Variants in DOP1A observed in about 807,000 individuals in gnomAD.
The protein encoded by DOP1A is protein DOP1A.
In DOP1A, 90 loss-of-function variants were observed where a neutral mutation model predicts 267.6. That is an observed-to-expected ratio of 0.34 (90% confidence interval 0.28 to 0.40). The LOEUF is 0.40. Among genes scored for constraint, DOP1A ranks in the 10% least tolerant of loss-of-function variants. DOP1A has a pLI of 1.00. For missense variants in DOP1A, 2,437 were observed against 2,900.4 expected (o/e 0.84, Z 3.67); for synonymous variants, 932 against 999.1 (o/e 0.93, Z 1.27).
chr6:83,112,891 G>T (rs150205918), intron 6 of DOP1A, among the ~76,000 whole-genome samples: 11 of 152,344 alleles, frequency 7.2e-5, no homozygotes, highest in South Asian at 2.1e-4. Context: ...GTTTAGAAAT[G>T]TATAAGTGCA....
chr6:83,082,278 A>G (rs1020397328), intron 1 of DOP1A, among the ~76,000 whole-genome samples: 1 of 152,242 alleles, frequency 6.6e-6, no homozygotes, highest in African/African-American at 2.4e-5. Context: ...CTATCAGCAG[A>G]TGAAGGGGCA....
downstream of DOP1A, chr6:83,169,237 G>T (rs1315458324): frequency 1.2e-5 from 19 of 1,613,898 alleles, no homozygotes; most frequent in Non-Finnish European, 1.6e-5. Context: ...ATTATCTTCA[G>T]AAACCTGGTT....
intron 38 of DOP1A, chr6:83,167,155 T>A (rs1050756450): frequency 2.2e-6 from 2 of 919,664 alleles, no homozygotes; most frequent in African/African-American, 3.6e-5. Context: ...AAAGGTAGTT[T>A]TAGACTGTCC....
At chr6:83,166,168 T>A (rs933130352) in intron 38 of DOP1A, 7 of 509,070 alleles carry the variant, frequency 1.4e-5, no homozygotes, top group Non-Finnish European at 2.4e-5. Flanking sequence ...ACTCAGCTCA[T>A]GAGGCACCCA....
At chr6:83,147,185 A>G in intron 25 of DOP1A, 51 bp from the exon 26 acceptor site, 1 of 966,560 alleles carries the variant, frequency 1.0e-6, no homozygotes, top group Admixed American at 2.3e-5. Flanking sequence ...ACAATGAAAA[A>G]GCAAAGGCAG....
downstream of DOP1A, chr6:83,168,815 T>C: frequency 9.9e-7 from 1 of 1,010,578 alleles, no homozygotes; most frequent in Non-Finnish European, 1.2e-6. Flanking sequence ...TTGTATAAAG[T>C]CTTCTCTGCC....
At chr6:83,085,808 G>GTTATA (rs1167700460) in intron 1 of DOP1A, among the ~76,000 whole-genome samples, 8 of 151,586 alleles carry the variant, frequency 5.3e-5, no homozygotes, top group African/African-American at 1.9e-4. Context: ...GTTATGTTAT[G>GTTATA]TTATGTTATG....
chr6:83,108,192 T>G (rs1050608944), intron 4 of DOP1A, among the ~76,000 whole-genome samples: 1 of 152,166 alleles, frequency 6.6e-6, no homozygotes, highest in African/African-American at 2.4e-5. Flanking sequence ...AATTATTTTA[T>G]TTTTGGATCC....
At chr6:83,124,875 T>C in intron 13 of DOP1A, 56 bp downstream of exon 13, 1 of 1,394,066 alleles carries the variant, frequency 7.2e-7, no homozygotes, top group Non-Finnish European at 1.0e-6. Flanking sequence ...AGTTCAAATA[T>C]TTCGTGTTGT....
chr6:83,129,981 C>T, intron 16 of DOP1A, 142 bp from the exon 17 acceptor site: 1 of 972,318 alleles, frequency 1.0e-6, no homozygotes, highest in Non-Finnish European at 1.5e-6. Context: ...TATTAAAGCT[C>T]TAGACTAGGT....
rs775082820 is a variant in DOP1A at position 83,140,356 on chromosome 6, A to G, written c.5368A>G (p.Ile1790Val). The change falls in exon 23 of 39, where the codon ATT becomes GTT. Residue 1790 changes from isoleucine to valine, a missense_variant. Transcript: ENST00000349129. The stretch of plus-strand genomic sequence containing the variant: ...AGCTGATTCTTCAGAAAAGATGACT[A>G]TTGCCGCATCCGCATCTCTTACCAC... ...HQADSSEKMT[I>V]AASASLTTIN... 2.0e-5 allele frequency: 32 copies of G among 1,612,814 alleles called. No homozygotes were observed. Among genetic ancestry groups the G allele is most frequent in the Non-Finnish European group, 2.6e-5 (31 of 1,179,792 alleles).
chr6:83,159,632 T>A, intron 36 of DOP1A, 164 bp from the exon 37 acceptor site: 1 of 781,150 alleles, frequency 1.3e-6, no homozygotes, highest in South Asian at 1.8e-5. Context: ...AAGTGAATTT[T>A]TGATTTGAAA....
chr6:83,110,066 A>G, intron 5 of DOP1A, 59 bp from the exon 6 acceptor site: 1 of 1,476,558 alleles, frequency 6.8e-7, no homozygotes, highest in South Asian at 1.5e-5. Context: ...AGAATGATTT[A>G]TTTTTTAAAA....
intron 8 of DOP1A, among the ~76,000 whole-genome samples, chr6:83,119,368 C>T (rs1775982086): frequency 6.6e-6 from 1 of 152,008 alleles, no homozygotes; most frequent in Admixed American, 6.6e-5. Flanking sequence ...ATACAGTGTC[C>T]CACTCAGGCA....
At chr6:83,152,211 TACACACAC>T (rs3830924) in intron 29 of DOP1A, 69 bp from the exon 30 acceptor site, 14 of 698,784 alleles carry the variant, frequency 2.0e-5, no homozygotes, top group South Asian at 5.2e-5. Context: ...ATAAAAATAA[TACACACAC>T]ACACACACAC....
In DOP1A at chr6:83,071,300, G is replaced by A. The variant is rs1008915666; in HGVS notation, c.-147+3521G>A. 2.0e-5 allele frequency among the ~76,000 whole-genome samples: 3 copies of A among 151,812 alleles called. No homozygotes were observed. The East Asian group carries it at 5.8e-4, about 29-fold the overall frequency. On this transcript the variant is annotated intron_variant, in intron 1 of 38. Coordinates refer to ENST00000349129, the MANE Select transcript of DOP1A (RefSeq NM_015018.4). ...GAGCTCACTGCAACCTCTGCCTCCC[G>A]GATTCAAGGTATTCTCCTGCCTCAG...
intron 1 of DOP1A, among the ~76,000 whole-genome samples, chr6:83,078,710 G>A (rs1157215736): frequency 6.6e-6 from 1 of 152,138 alleles, no homozygotes; most frequent in Non-Finnish European, 1.5e-5. Context: ...GTGAGGAGAG[G>A]TGTAGTAACA....
chr6:83,148,766 G>C lies in DOP1A; in HGVS notation c.5740G>C (p.Val1914Leu). Reference protein sequence around the residue: ...FFYAYIQRIPVPNLVDSWASL... With the variant: ...FFYAYIQRIPLPNLVDSWASL... ...AACTATATTATCTTGCAGAATTCCA[G>C]TGCCCAATTTAGTGGATAGCTGGGC... The change falls in exon 27 of 39, where the codon GTG becomes CTG. Residue 1914 changes from valine (V) to leucine (L), a missense_variant. Physicochemically the swap from Val to Leu is conservative, Grantham distance 32. This residue lies in a region of DOP1A where 216 missense variants were observed against 283.3 expected (regional missense o/e 0.76). Coordinates refer to ENST00000349129, the MANE Select transcript of DOP1A (RefSeq NM_015018.4). 1 of 1,547,492 alleles carries C rather than the reference G, an allele frequency of 6.5e-7. No individual in the cohort carries two copies. Among genetic ancestry groups the C allele is most frequent in the East Asian group, 2.5e-5 (1 of 40,722 alleles).
intron 2 of DOP1A, 48 bp from the exon 3 acceptor site, chr6:83,096,877 C>G: frequency 7.3e-7 from 1 of 1,367,946 alleles, no homozygotes. Flanking sequence ...CATATGAACC[C>G]GTTTTAATAC....
Sources: gnomAD v4.1 joint callset for allele counts (sites outside exome capture counted in the v4.1 genomes callset) on GRCh38, gnomAD v4.1.1 for gene constraint, gnomAD v4.1.1 regional missense constraint, MANE v1.5 for transcripts, NCBI Gene and HGNC (gene_info 2026-07-23, HGNC 2026-07-21) for gene names.